Variants in NRK observed in about 807,000 individuals in gnomAD.
NRK encodes Nik related kinase, also known as nik-related protein kinase.
A neutral mutation model predicts 125.2 loss-of-function variants in NRK; 67 were observed. The ratio of observed to expected loss-of-function variants is 0.54; its 90% CI spans 0.44 to 0.66. NRK has a LOEUF of 0.66. NRK is among the 30% of genes least tolerant of loss of function. The pLI is 0.00. For missense variants in NRK, 1,224 were observed against 1,192.9 expected (o/e 1.03, Z -0.38); for synonymous variants, 458 against 429.0 (o/e 1.07, Z -0.84).
At chrX:105,949,430 A>G (rs1408832302) in intron 26 of NRK, 145 bp from the exon 27 acceptor site, 10 of 370,389 alleles carry the variant, frequency 2.7e-5, no homozygotes, top group Non-Finnish European at 4.8e-5. Flanking sequence ...ATTGGATAGC[A>G]TGCTTATTAC....
At chrX:105,895,011 C>G (rs921953289) in intron 6 of NRK, among the ~76,000 whole-genome samples, 4 of 111,726 alleles carry the variant, frequency 3.6e-5, no homozygotes, top group Non-Finnish European at 7.5e-5. Flanking sequence ...AATTCTCAGC[C>G]TACAAAGCTG....
chrX:105,899,312 ACT>A (rs965245097), intron 8 of NRK, among the ~76,000 whole-genome samples: 2 of 112,034 alleles, frequency 1.8e-5, no homozygotes, highest in Non-Finnish European at 3.8e-5. Flanking sequence ...TGGAAAGAAA[ACT>A]CTGCATTTGC....
rs1264056110 is a variant in NRK at position 105,940,033 on chromosome X, G to A, written c.3958+1G>A. 2 of 1,151,972 alleles carry A rather than the reference G, an allele frequency of 1.7e-6. No homozygotes were observed. Among genetic ancestry groups the A allele is most frequent in the Non-Finnish European group, 2.3e-6 (2 of 855,306 alleles). The allele number at this position is 1,151,972 out of a possible 1,213,427, so 94.9% of individuals were successfully genotyped here. ...ACAGGCTGTGAACACTTCAGTGTCCGTAAGCCACATTTCATGTTTACTACA... is the reference window on the plus strand; with the variant it reads ...ACAGGCTGTGAACACTTCAGTGTCCATAAGCCACATTTCATGTTTACTACA... On this transcript the variant is annotated splice_donor_variant, in intron 23 of 28. Transcript: ENST00000243300. LOFTEE classifies it high-confidence loss of function.
chrX:105,948,192 C>T (rs2040843044), intron 26 of NRK, among the ~76,000 whole-genome samples: 1 of 110,917 alleles, frequency 9.0e-6, no homozygotes, highest in Non-Finnish European at 1.9e-5. Flanking sequence ...GAATGTTGAC[C>T]CGCGTGTTTC....
At chrX:105,908,452 A>G (rs763952987) in intron 12 of NRK, 149 bp downstream of exon 12, 7 of 441,233 alleles carry the variant, frequency 1.6e-5, no homozygotes, top group Admixed American at 4.9e-5. Flanking sequence ...TTGAGTGAAA[A>G]TGTGAGAATT....
chrX:105,857,876 TTC>T (rs1230472127), intron 2 of NRK, among the ~76,000 whole-genome samples: 2 of 110,279 alleles, frequency 1.8e-5, no homozygotes, highest in Non-Finnish European at 3.8e-5. Flanking sequence ...ACTTTTTTCC[TTC>T]TCTCTCTCTC....
chrX:105,925,134 AT>A (rs1433530308), intron 19 of NRK, 103 bp downstream of exon 19: 1 of 599,600 alleles, frequency 1.7e-6, no homozygotes, highest in East Asian at 3.4e-5. Flanking sequence ...TTTTCATCAT[AT>A]ACCCCAAGGC....
chrX:105,905,346 A>G lies in NRK; in HGVS notation c.845+3A>G, dbSNP rs760262349. 4.3e-6 allele frequency: 5 copies of G among 1,152,111 alleles called. No individual in the cohort carries two copies. The highest frequency in any genetic ancestry group is 5.9e-6 in the Non-Finnish European group (5 of 844,055). 94.9% of individuals were successfully genotyped at this position (1,152,111 alleles called of 1,213,427 possible). A position where few individuals can be genotyped will look rare whatever the true frequency, so the allele number is the denominator to read the frequency against. On this transcript the variant is annotated splice_donor_region_variant and intron_variant, in intron 10 of 28. Coordinates refer to ENST00000243300, the MANE Select transcript of NRK (RefSeq NM_198465.4). The stretch of plus-strand genomic sequence containing the variant: ...CCCACAGTCAAATCCAGCGGATGGT[A>G]AAGATGAATGTCTTAATCTCCTAAT...
chrX:105,944,074 AT>A lies in NRK; in HGVS notation c.4059+39del, dbSNP rs747017122. 4 of 767,523 alleles carry A rather than the reference AT, an allele frequency of 5.2e-6. No homozygotes were observed. The South Asian group carries it at 7.7e-5, about 15-fold the overall frequency. 63.3% of individuals were successfully genotyped at this position (767,523 alleles called of 1,213,427 possible). A position where few individuals can be genotyped will look rare whatever the true frequency, so the allele number is the denominator to read the frequency against. ...AGCTCCTTTTTCTTTGGATTATATG[AT>A]TTTTTATTTTGAGAAGAAATTGTGA... On this transcript the variant is annotated intron_variant, in intron 24 of 28. Transcript: ENST00000243300.
intron 17 of NRK, among the ~76,000 whole-genome samples, chrX:105,922,612 G>T (rs2040467225): frequency 9.0e-6 from 1 of 111,414 alleles, no homozygotes. Context: ...CTTCCAGATT[G>T]CCCAAAAGTT....
chrX:105,952,256 T>C (rs1211229416), intron 27 of NRK, among the ~76,000 whole-genome samples: 2 of 112,153 alleles, frequency 1.8e-5, no homozygotes, highest in Non-Finnish European at 3.8e-5. Flanking sequence ...TTTTATTTAC[T>C]TATGGAATTT....
chrX:105,927,103 A>G (rs889140581), intron 19 of NRK, among the ~76,000 whole-genome samples: 1 of 111,065 alleles, frequency 9.0e-6, no homozygotes, highest in African/African-American at 3.3e-5. Flanking sequence ...TAATTCTTCT[A>G]GTCCATGAGC....
intron 1 of NRK, among the ~76,000 whole-genome samples, chrX:105,826,831 T>C (rs1209315426): frequency 1.8e-5 from 2 of 110,944 alleles, no homozygotes; most frequent in Non-Finnish European, 3.8e-5. Context: ...ATATTCAGCA[T>C]AATCCTCAAT....
intron 5 of NRK, among the ~76,000 whole-genome samples, chrX:105,892,936 T>TA (rs1048207599): frequency 3.6e-5 from 4 of 111,780 alleles, no homozygotes; most frequent in Non-Finnish European, 5.7e-5. Context: ...TGCACAAAGT[T>TA]AAAAAAAGAC....
intron 2 of NRK, among the ~76,000 whole-genome samples, chrX:105,841,184 G>T (rs921666489): frequency 9.0e-6 from 1 of 111,296 alleles, no homozygotes; most frequent in African/African-American, 3.3e-5. Context: ...TGCTGCTGTA[G>T]CTCTCTGAGG....
In NRK at chrX:105,909,442, C is replaced by G. The variant is rs957529850; in HGVS notation, c.1801C>G (p.Pro601Ala). Residue 601 changes from proline to alanine, a missense_variant, in exon 13 of 29, where the codon CCA (proline) becomes GCA (alanine). Coordinates refer to ENST00000243300, the MANE Select transcript of NRK (RefSeq NM_198465.4). Reference sequence around the variant, plus strand: ...ATCACAAGATCACCATGTGCTGTTGCCACTACATTTGGATACTCAGGTGCT... The same window carrying G: ...ATCACAAGATCACCATGTGCTGTTGGCACTACATTTGGATACTCAGGTGCT... Reference protein sequence around the residue: ...LLSQDHHVLLPLHLDTQVLIP... With the variant: ...LLSQDHHVLLALHLDTQVLIP... The G allele has an allele frequency of 1.7e-6, 2 of 1,206,515 alleles. No individual in the cohort carries two copies. The highest frequency in any genetic ancestry group is 2.2e-6 in the Non-Finnish European group (2 of 893,060).
At chrX:105,832,164 T>C (rs2039201943) in intron 2 of NRK, among the ~76,000 whole-genome samples, 1 of 111,672 alleles carries the variant, frequency 9.0e-6, no homozygotes, top group South Asian at 3.8e-4. Flanking sequence ...TGTAAAAGCA[T>C]AAAGCAAGGG....
At chrX:105,882,686 A>G (rs1354286363) in intron 4 of NRK, among the ~76,000 whole-genome samples, 2 of 111,066 alleles carry the variant, frequency 1.8e-5, no homozygotes, top group Admixed American at 1.9e-4. Context: ...GAAACTTTCT[A>G]GTTATATTAG....
chrX:105,937,591 A>T lies in NRK; in HGVS notation c.3799+9A>T, dbSNP rs1313415232. ...GCTGATTACCATCTCAGGTTTGTTT[A>T]AGAACTAAAATTAGCTGAGTAATTA... On this transcript the variant is annotated intron_variant, in intron 22 of 28. Transcript: ENST00000243300. 1.7e-6 allele frequency: 2 copies of T among 1,170,035 alleles called. No individual in the cohort carries two copies. The highest frequency in any genetic ancestry group is 2.3e-6 in the Non-Finnish European group (2 of 865,146).
Sources: gnomAD v4.1 joint callset for allele counts (sites outside exome capture counted in the v4.1 genomes callset) on GRCh38, gnomAD v4.1.1 for gene constraint, MANE v1.5 for transcripts, NCBI Gene and HGNC (gene_info 2026-07-23, HGNC 2026-07-21) for gene names.